The following SWT1 variants were observed in gnomAD, a reference collection of about 807,000 sequenced individuals.
The protein encoded by SWT1 is transcriptional protein SWT1.
Under a neutral mutation model 107.3 loss-of-function variants are expected in SWT1, and 33 were observed. The ratio of observed to expected loss-of-function variants is 0.31; its 90% CI spans 0.23 to 0.41. SWT1 has a LOEUF of 0.41. Ranked by LOEUF, SWT1 falls within the 10% of genes least tolerant of loss-of-function variation. The probability of loss-of-function intolerance (pLI) is 1.00; values close to 1 mark genes in which losing one functional copy is unlikely to be tolerated. For synonymous variants in SWT1, 345 were observed against 348.3 expected, an observed-to-expected ratio of 0.99 and a Z score of 0.11; for missense variants, 898 against 1,028.9, an observed-to-expected ratio of 0.87 and a Z score of 1.74.
chr1:185,240,895 C>G (rs919857835), intron 16 of SWT1, among the ~76,000 whole-genome samples: 2 of 151,894 alleles, frequency 1.3e-5, no homozygotes, highest in African/African-American at 4.8e-5. Context: ...AAGAACAGAC[C>G]ATATATGGTA....
intron 10 of SWT1, among the ~76,000 whole-genome samples, chr1:185,198,893 A>G (rs1222862990): frequency 2.1e-5 from 3 of 145,780 alleles, no homozygotes; most frequent in Admixed American, 6.8e-5. Flanking sequence ...TCTTTATCCA[A>G]TTTGCTAGTC....
chr1:185,168,400 T>C lies in SWT1; in HGVS notation c.224+2T>C, dbSNP rs747928094. On this transcript the variant is annotated splice_donor_variant, in intron 4 of 18. Coordinates refer to ENST00000367500, the MANE Select transcript of SWT1 (RefSeq NM_017673.7). LOFTEE classifies it high-confidence loss of function. ...AAAAAGAAGACAAGGACTGAAAAGG[T>C]AAATTTCTCCTTTTTCTTTTTACTG... 1 of 1,377,924 alleles carries C rather than the reference T, an allele frequency of 7.3e-7. No homozygotes were observed. The allele number at this position is 1,377,924 out of a possible 1,614,324, so 85.4% of individuals were successfully genotyped here.
intron 10 of SWT1, among the ~76,000 whole-genome samples, chr1:185,192,535 C>T (rs539056562): frequency 2.4e-4 from 37 of 152,238 alleles, no homozygotes; most frequent in African/African-American, 8.7e-4. Flanking sequence ...CCTCCTTCCT[C>T]AGCCCCTGAG....
At chr1:185,184,981 C>A in intron 9 of SWT1, 50 bp downstream of exon 9, 1 of 1,266,656 alleles carries the variant, frequency 7.9e-7, no homozygotes, top group Non-Finnish European at 1.0e-6. Context: ...TGTTTGGGTG[C>A]AGACTCATTA....
chr1:185,166,426 G>C, intron 2 of SWT1, 146 bp from the exon 3 acceptor site: 1 of 536,588 alleles, frequency 1.9e-6, no homozygotes, highest in Non-Finnish European at 3.3e-6. Context: ...TTTTACCAAA[G>C]TTTGTGTATC....
chr1:185,234,498 G>A (rs1331493077), intron 16 of SWT1, among the ~76,000 whole-genome samples: 9 of 151,842 alleles, frequency 5.9e-5, no homozygotes, highest in South Asian at 4.2e-4. Flanking sequence ...TTGAGCCTGT[G>A]TGTGTCTTTG....
intron 9 of SWT1, among the ~76,000 whole-genome samples, chr1:185,189,910 G>A (rs1039264042): frequency 2.0e-5 from 3 of 150,860 alleles, no homozygotes; most frequent in East Asian, 2.0e-4. Context: ...GTGCAGTGGC[G>A]GGATCTCAGC....
chr1:185,270,834 C>G (rs1009672747), intron 16 of SWT1, among the ~76,000 whole-genome samples: 1 of 152,162 alleles, frequency 6.6e-6, no homozygotes, highest in Non-Finnish European at 1.5e-5. Context: ...GCTGATAGTT[C>G]AAGCAATGTT....
At chr1:185,257,654 G>A (rs573148183) in intron 16 of SWT1, among the ~76,000 whole-genome samples, 5 of 152,322 alleles carry the variant, frequency 3.3e-5, no homozygotes, top group East Asian at 1.9e-4. Flanking sequence ...CATGGTGCGC[G>A]CACCCACTGA....
intron 16 of SWT1, among the ~76,000 whole-genome samples, chr1:185,251,701 A>T (rs1337218650): frequency 6.6e-6 from 1 of 151,560 alleles, no homozygotes; most frequent in African/African-American, 2.4e-5. Context: ...TTTTTCATCA[A>T]CCATTTGGAG....
chr1:185,249,059 TCAGATAGTGTCTGGATCTC>T (rs1485569798), intron 16 of SWT1, among the ~76,000 whole-genome samples: 5 of 152,152 alleles, frequency 3.3e-5, no homozygotes, highest in Non-Finnish European at 5.9e-5. Flanking sequence ...GTAGCTGCAT[TCAGATAGTGTCTGGATCTC>T]CAGACACTAT....
chr1:185,226,506 T>C (rs757426882), intron 15 of SWT1, among the ~76,000 whole-genome samples: 10 of 152,018 alleles, frequency 6.6e-5, no homozygotes, highest in Admixed American at 2.0e-4. Flanking sequence ...GAGACTGAAG[T>C]GGGAGGATCA....
chr1:185,256,793 T>C (rs1280601100), intron 16 of SWT1, among the ~76,000 whole-genome samples: 1 of 152,212 alleles, frequency 6.6e-6, no homozygotes, highest in African/African-American at 2.4e-5. Context: ...TCAAAGTCAT[T>C]CTCCATCCAG....
chr1:185,264,774 G>A (rs1451581118), intron 16 of SWT1, among the ~76,000 whole-genome samples: 1 of 152,120 alleles, frequency 6.6e-6, no homozygotes, highest in Non-Finnish European at 1.5e-5. Context: ...TACAGGAGAG[G>A]AGTAGGCTGG....
chr1:185,213,544 G>A (rs1658988143), intron 13 of SWT1, among the ~76,000 whole-genome samples: 1 of 152,158 alleles, frequency 6.6e-6, no homozygotes, highest in Admixed American at 6.5e-5. Flanking sequence ...TCTTGTGTAA[G>A]TGATACAGAG....
At position 185,177,035 on chromosome 1, in the gene SWT1, GA is replaced by G. The variant is rs945495346; in HGVS notation, c.966+1927del. 1.2e-5 allele frequency: 11 copies of G among 956,300 alleles called. No individual in the cohort carries two copies. In the African/African-American group the frequency reaches 2.0e-4, roughly 17 times the overall value. The allele number at this position is 956,300 out of a possible 1,614,324, so 59.2% of individuals were successfully genotyped here. A position where few individuals can be genotyped will look rare whatever the true frequency, so the allele number is the denominator to read the frequency against. On this transcript the variant is annotated intron_variant, in intron 5 of 18. Transcript: ENST00000367500. ...ATTGCAATGGTAAGATATTTCTTAC[GA>G]AAAATGGAGGAATTATAACTAAGGA...
At chr1:185,221,521 A>G (rs1659656001) in intron 14 of SWT1, among the ~76,000 whole-genome samples, 1 of 151,988 alleles carries the variant, frequency 6.6e-6, no homozygotes, top group Non-Finnish European at 1.5e-5. Flanking sequence ...GCTTGATTGT[A>G]CCTCTATACT....
chr1:185,224,531 G>C (rs1379097381), intron 15 of SWT1, among the ~76,000 whole-genome samples: 1 of 151,976 alleles, frequency 6.6e-6, no homozygotes, highest in Non-Finnish European at 1.5e-5. Flanking sequence ...CTGGAATTTT[G>C]GTAGAGATTG....
chr1:185,242,452 C>T (rs1320334176), intron 16 of SWT1, among the ~76,000 whole-genome samples: 1 of 152,022 alleles, frequency 6.6e-6, no homozygotes, highest in African/African-American at 2.4e-5. Context: ...CAGCATTTGT[C>T]ATTCAAGAAT....
Sources: gnomAD v4.1 joint callset for allele counts (sites outside exome capture counted in the v4.1 genomes callset) on GRCh38, gnomAD v4.1.1 for gene constraint, MANE v1.5 for transcripts, NCBI Gene and HGNC (gene_info 2026-07-23, HGNC 2026-07-21) for gene names.